RNF168: variants seen among roughly 807,000 people sequenced by gnomAD.
The protein encoded by RNF168 is E3 ubiquitin-protein ligase RNF168.
In RNF168, 34 loss-of-function variants were observed where a neutral mutation model predicts 34.9. The ratio of observed to expected loss-of-function variants is 0.97; its 90% CI spans 0.74 to 1.30. The LOEUF is 1.30. Among genes scored for constraint, RNF168 ranks in the 50% most tolerant of loss-of-function variants. The pLI is 0.00. For missense variants in RNF168, 725 were observed against 682.5 expected, an observed-to-expected ratio of 1.06 and a Z score of -0.69; for synonymous variants, 264 against 254.7, an observed-to-expected ratio of 1.04 and a Z score of -0.35.
chr3:196,495,903 T>C (rs1234896016), intron 1 of RNF168, among the ~76,000 whole-genome samples: 3 of 152,334 alleles, frequency 2.0e-5, no homozygotes, highest in Admixed American at 2.0e-4. Context: ...GAAATCCAAA[T>C]GTAAAACACA....
chr3:196,492,219 C>A (rs1358672250), intron 1 of RNF168, among the ~76,000 whole-genome samples: 2 of 152,138 alleles, frequency 1.3e-5, no homozygotes, highest in Non-Finnish European at 2.9e-5. Context: ...AGCTAAGAGG[C>A]TGGGCACAGT....
intron 1 of RNF168, among the ~76,000 whole-genome samples, chr3:196,501,634 G>A (rs1216291049): frequency 6.6e-6 from 1 of 152,132 alleles, no homozygotes; most frequent in African/African-American, 2.4e-5. Flanking sequence ...TGGAAACAGT[G>A]GTGATGGTTA....
At chr3:196,483,963 C>G in intron 3 of RNF168, 72 bp from the exon 4 acceptor site, 1 of 1,151,496 alleles carries the variant, frequency 8.7e-7, no homozygotes, top group African/African-American at 1.5e-5. Flanking sequence ...ATTAATTTGA[C>G]TAATTCAGAA....
At chr3:196,491,567 ACCCGGGAGGCGGAGCTTGCAGTGAGCCG>A (rs1334984245) in intron 1 of RNF168, among the ~76,000 whole-genome samples, 2 of 151,066 alleles carry the variant, frequency 1.3e-5, no homozygotes, top group African/African-American at 2.4e-5. Context: ...AATTGCTTGA[ACCCGGGAGGCGGAGCTTGCAGTGAGCCG>A]AGATCACGCC....
chr3:196,484,714 A>T (rs1279385175), intron 3 of RNF168, among the ~76,000 whole-genome samples: 1 of 151,896 alleles, frequency 6.6e-6, no homozygotes. Context: ...ACTGCAGTGG[A>T]GTGATCATAG....
At chr3:196,482,472 A>C (rs1025746062) in intron 4 of RNF168, among the ~76,000 whole-genome samples, 1 of 152,186 alleles carries the variant, frequency 6.6e-6, no homozygotes, top group African/African-American at 2.4e-5. Flanking sequence ...CTAGGAGTGG[A>C]ATTGCTGGGT....
chr3:196,476,096 G>A (rs1030879205), intron 4 of RNF168, among the ~76,000 whole-genome samples: 5 of 151,616 alleles, frequency 3.3e-5, no homozygotes, highest in African/African-American at 1.2e-4. Flanking sequence ...TGACGCTCAG[G>A]TGATCCGCCT....
Position 196,475,266 on chromosome 3 carries a change from C to A in RNF168, c.727G>T (p.Ala243Ser). The change falls in exon 5 of 6, where the codon GCT becomes TCT. Residue 243 changes from alanine to serine, a missense_variant. Transcript: ENST00000318037. Reference protein sequence around the residue: ...SQFGSASHSEAVQEVRKDSVS... With the variant: ...SQFGSASHSESVQEVRKDSVS... ...GAGTCTTTCCTGACTTCTTGTACAGCTTCAGAGTGTGAGGCTGACCCAAAC... is the reference window on the plus strand; with the variant it reads ...GAGTCTTTCCTGACTTCTTGTACAGATTCAGAGTGTGAGGCTGACCCAAAC... The A allele has an allele frequency of 6.2e-7, 1 of 1,611,516 alleles. No homozygotes were observed. Among genetic ancestry groups the A allele is most frequent in the African/African-American group, 1.3e-5 (1 of 74,976 alleles).
intron 4 of RNF168, among the ~76,000 whole-genome samples, chr3:196,481,475 T>C (rs576448460): frequency 6.6e-6 from 1 of 152,214 alleles, no homozygotes; most frequent in Non-Finnish European, 1.5e-5. Context: ...GATGTTCCAC[T>C]ATGAAGTATG....
chr3:196,475,741 G>A (rs1273234522), intron 4 of RNF168, among the ~76,000 whole-genome samples: 1 of 150,810 alleles, frequency 6.6e-6, no homozygotes, highest in Non-Finnish European at 1.5e-5. Context: ...TAGTAGAGAC[G>A]AGGTTTCACC....
At chr3:196,475,548 TTTTC>T (rs1732125410) in intron 4 of RNF168, among the ~76,000 whole-genome samples, 1 of 88,388 alleles carries the variant, frequency 1.1e-5, no homozygotes, top group Non-Finnish European at 2.2e-5. Flanking sequence ...TCTAAATATT[TTTTC>T]TTTTTTTTTT....
chr3:196,481,682 G>GGTTTTTTTTTTTT (rs1577512919), intron 4 of RNF168, among the ~76,000 whole-genome samples: 3 of 62,392 alleles, frequency 4.8e-5, no homozygotes, highest in African/African-American at 1.9e-4. Context: ...TTTCAGCTGC[G>GGTTTTTTTTTTTT]TTTTTTTTTT....
intron 4 of RNF168, among the ~76,000 whole-genome samples, chr3:196,481,973 T>C (rs1732304413): frequency 1.3e-5 from 2 of 149,986 alleles, no homozygotes; most frequent in African/African-American, 2.4e-5. Flanking sequence ...TTTTTTTTTT[T>C]TTTTTTTTTA....
chr3:196,489,962 G>A (rs539058849), intron 1 of RNF168, among the ~76,000 whole-genome samples: 1 of 152,330 alleles, frequency 6.6e-6, no homozygotes, highest in South Asian at 2.1e-4. Flanking sequence ...TAATGTAATA[G>A]GTGGTGACCC....
Position 196,487,382 on chromosome 3 carries a change from T to TCC in RNF168, c.558+15_558+16dup. The TCC allele has an allele frequency of 6.2e-7, 1 of 1,607,542 alleles. No individual in the cohort carries two copies. Among genetic ancestry groups the TCC allele is most frequent in the African/African-American group, 1.3e-5 (1 of 74,928 alleles). ...CCAAGGGATGACCATACCTTAGCGT[T>TCC]CCCTCCTAAAACTTACAATATCAAT... On this transcript the variant is annotated intron_variant, in intron 3 of 5. Coordinates refer to ENST00000318037, the MANE Select transcript of RNF168 (RefSeq NM_152617.4).
chr3:196,485,169 G>A (rs996767214), intron 3 of RNF168, among the ~76,000 whole-genome samples: 3 of 152,054 alleles, frequency 2.0e-5, no homozygotes, highest in Admixed American at 2.0e-4. Context: ...ATATGGTGAT[G>A]GTGAATATTT....
intron 1 of RNF168, among the ~76,000 whole-genome samples, chr3:196,496,402 C>T (rs1732743618): frequency 6.6e-6 from 1 of 152,144 alleles, no homozygotes; most frequent in South Asian, 2.1e-4. Flanking sequence ...GTCCTCCAGC[C>T]TCACGTGGTA....
chr3:196,491,090 G>A (rs562479279), intron 1 of RNF168, among the ~76,000 whole-genome samples: 15 of 152,250 alleles, frequency 9.9e-5, no homozygotes, highest in East Asian at 5.8e-4. Flanking sequence ...TGAGGCAGGC[G>A]GATCATGAGG....
intron 3 of RNF168, among the ~76,000 whole-genome samples, chr3:196,486,843 T>TGGAC (rs1732438985): frequency 6.6e-6 from 1 of 152,202 alleles, no homozygotes; most frequent in Non-Finnish European, 1.5e-5. Flanking sequence ...CCGAGGCAGA[T>TGGAC]GGACGGCTTG....
Sources: gnomAD v4.1 joint callset for allele counts (sites outside exome capture counted in the v4.1 genomes callset) on GRCh38, gnomAD v4.1.1 for gene constraint, MANE v1.5 for transcripts, NCBI Gene and HGNC (gene_info 2026-07-23, HGNC 2026-07-21) for gene names.